GRIN3A: variants seen among roughly 807,000 people sequenced by gnomAD.
The protein encoded by GRIN3A is glutamate ionotropic receptor NMDA type subunit 3A.
Under a neutral mutation model 92.4 loss-of-function variants are expected in GRIN3A, and 47 were observed. The ratio of observed to expected loss-of-function variants is 0.51; its 90% CI spans 0.40 to 0.65. The LOEUF (loss-of-function observed/expected upper bound fraction) is 0.65. Among genes scored for constraint, GRIN3A ranks in the 30% least tolerant of loss-of-function variants. The probability of loss-of-function intolerance (pLI) is 0.00; values close to 1 mark genes in which losing one functional copy is unlikely to be tolerated. For synonymous variants in GRIN3A, 527 were observed against 540.6 expected, an observed-to-expected ratio of 0.97 and a Z score of 0.35; for missense variants, 1,324 against 1,393.1, an observed-to-expected ratio of 0.95 and a Z score of 0.79.
intron 6 of GRIN3A, among the ~76,000 whole-genome samples, chr9:101,611,493 T>C (rs937523207): frequency 6.6e-6 from 1 of 152,180 alleles, no homozygotes; most frequent in Admixed American, 6.5e-5. Flanking sequence ...TAGGTAGACA[T>C]TAATTTTGGG....
chr9:101,632,683 T>G (rs1332957687), intron 3 of GRIN3A, among the ~76,000 whole-genome samples: 3 of 152,156 alleles, frequency 2.0e-5, no homozygotes, highest in African/African-American at 7.2e-5. Context: ...AAAATAACCA[T>G]GGGCTACTCA....
chr9:101,688,739 T>C (rs959207897), intron 1 of GRIN3A, among the ~76,000 whole-genome samples: 12 of 152,084 alleles, frequency 7.9e-5, no homozygotes, highest in African/African-American at 2.9e-4. Context: ...GCTGTTATGG[T>C]GAAACCCCGT....
intron 3 of GRIN3A, among the ~76,000 whole-genome samples, chr9:101,647,184 G>T (rs1828948711): frequency 6.6e-6 from 1 of 151,776 alleles, no homozygotes; most frequent in Admixed American, 6.6e-5. Flanking sequence ...TACCCAGTTT[G>T]TTGAGAGTTT....
At chr9:101,628,484 C>G in intron 3 of GRIN3A, 83 bp from the exon 4 acceptor site, 1 of 1,407,602 alleles carries the variant, frequency 7.1e-7, no homozygotes. Context: ...TTCTTTGAAA[C>G]TTAATAATAA....
chr9:101,738,057 G>T lies in GRIN3A; in HGVS notation c.-78C>A, dbSNP rs1830242397. ...TCTGCAGCCGCTGCCTGAGGTCTCC[G>T]CCTCCAGGTCCCGCGCGCAGCTTCA... is the stretch of plus-strand genomic sequence containing the variant. On this transcript the variant is annotated 5_prime_UTR_variant, in exon 1 of 9. Transcript: ENST00000361820. 1.6e-6 allele frequency: 2 copies of T among 1,238,578 alleles called. No homozygotes were observed. Among genetic ancestry groups the T allele is most frequent in the Admixed American group, 2.0e-5 (1 of 50,612 alleles). The allele number at this position is 1,238,578 out of a possible 1,614,324, so 76.7% of individuals were successfully genotyped here. A position where few individuals can be genotyped will look rare whatever the true frequency, so the allele number is the denominator to read the frequency against.
chr9:101,714,291 A>G (rs1829918012), intron 1 of GRIN3A, among the ~76,000 whole-genome samples: 2 of 152,214 alleles, frequency 1.3e-5, no homozygotes, highest in South Asian at 2.1e-4. Flanking sequence ...GATGGAATGA[A>G]AAGAAAGTGT....
chr9:101,711,155 C>T (rs1829872166), intron 1 of GRIN3A, among the ~76,000 whole-genome samples: 1 of 152,130 alleles, frequency 6.6e-6, no homozygotes, highest in Non-Finnish European at 1.5e-5. Context: ...GGCATTGTCA[C>T]AGAGCATTAG....
chr9:101,630,232 C>T (rs1724833279), intron 3 of GRIN3A, among the ~76,000 whole-genome samples: 1 of 152,084 alleles, frequency 6.6e-6, no homozygotes, highest in Non-Finnish European at 1.5e-5. Flanking sequence ...GTATCTTGTA[C>T]ATATAAAATA....
At chr9:101,602,101 G>A (rs540424923) in intron 6 of GRIN3A, among the ~76,000 whole-genome samples, 1 of 152,208 alleles carries the variant, frequency 6.6e-6, no homozygotes, top group African/African-American at 2.4e-5. Context: ...CACCTATACT[G>A]TGTGAGAAGA....
rs1255859026 is a variant in GRIN3A, at chr9:101,662,798, C to T, written c.2352+7262G>A. Among the ~76,000 whole-genome samples, 5 of 151,848 alleles carry T rather than the reference C, an allele frequency of 3.3e-5. No individual in the cohort carries two copies. In the East Asian group the frequency reaches 9.7e-4, roughly 30 times the overall value. Reference sequence around the variant, plus strand: ...TATCTTTTATGTGGTGGTACATTAACAAATTTTTTCTTTTAACCCAATTTT... The same window carrying T: ...TATCTTTTATGTGGTGGTACATTAATAAATTTTTTCTTTTAACCCAATTTT... On this transcript the variant is annotated intron_variant, in intron 3 of 8. Transcript: ENST00000361820.
At chr9:101,704,998 A>G (rs1055594796) in intron 1 of GRIN3A, among the ~76,000 whole-genome samples, 5 of 152,102 alleles carry the variant, frequency 3.3e-5, no homozygotes, top group African/African-American at 4.8e-5. Flanking sequence ...TATTAATAAG[A>G]TAATACATTT....
At chr9:101,719,371 A>T (rs1309876748) in intron 1 of GRIN3A, among the ~76,000 whole-genome samples, 1 of 150,790 alleles carries the variant, frequency 6.6e-6, no homozygotes, top group Non-Finnish European at 1.5e-5. Context: ...GTGAGCTGAG[A>T]TTGCACCACT....
At chr9:101,733,170 G>A (rs1389879133) in intron 1 of GRIN3A, among the ~76,000 whole-genome samples, 1 of 152,132 alleles carries the variant, frequency 6.6e-6, no homozygotes, top group Non-Finnish European at 1.5e-5. Flanking sequence ...TTAACTCTAA[G>A]ATATAATGGT....
intron 1 of GRIN3A, 152 bp from the exon 2 acceptor site, chr9:101,687,352 T>C (rs2118979378): frequency 1.3e-6 from 1 of 774,084 alleles, no homozygotes; most frequent in East Asian, 2.7e-5. Context: ...AAAACTATGC[T>C]TCCTGTCTAA....
chr9:101,710,899 G>A (rs930121923), intron 1 of GRIN3A, among the ~76,000 whole-genome samples: 7 of 152,128 alleles, frequency 4.6e-5, no homozygotes, highest in African/African-American at 1.4e-4. Context: ...GCTCTGAGCA[G>A]TTATGCTATG....
chr9:101,727,348 T>C (rs1325467652), intron 1 of GRIN3A, among the ~76,000 whole-genome samples: 1 of 152,184 alleles, frequency 6.6e-6, no homozygotes, highest in African/African-American at 2.4e-5. Context: ...CTTTTGGTTG[T>C]GTATTTATAG....
At chr9:101,604,659 T>G (rs981020594) in intron 6 of GRIN3A, among the ~76,000 whole-genome samples, 3 of 152,134 alleles carry the variant, frequency 2.0e-5, no homozygotes, top group Non-Finnish European at 4.4e-5. Flanking sequence ...GGGGTAGGAA[T>G]GAGAAAGGGG....
At chr9:101,594,288 T>TG in intron 6 of GRIN3A, 1 of 1,288,132 alleles carries the variant, frequency 7.8e-7, no homozygotes, top group Non-Finnish European at 1.1e-6. Flanking sequence ...TTAGGACATA[T>TG]GGCTTCACAA....
chr9:101,603,495 G>A (rs1357502437), intron 6 of GRIN3A, among the ~76,000 whole-genome samples: 3 of 152,220 alleles, frequency 2.0e-5, no homozygotes, highest in Non-Finnish European at 4.4e-5. Context: ...TAGACACACA[G>A]TGGTGGAGCT....
Sources: gnomAD v4.1 joint callset for allele counts (sites outside exome capture counted in the v4.1 genomes callset) on GRCh38, gnomAD v4.1.1 for gene constraint, MANE v1.5 for transcripts, NCBI Gene and HGNC (gene_info 2026-07-23, HGNC 2026-07-21) for gene names.